SLC39A11: variants seen among roughly 807,000 people sequenced by gnomAD.
SLC39A11 encodes the protein solute carrier family 39 member 11.
SLC39A11 carries 33 observed loss-of-function variants against 36.1 expected under a neutral mutation model. That is an observed-to-expected ratio of 0.91 (90% CI 0.69 to 1.22). The LOEUF is 1.22. SLC39A11 is among the 50% of genes most tolerant of loss of function. The pLI, the probability that SLC39A11 is intolerant of heterozygous loss-of-function variation, is 0.00. For missense variants in SLC39A11, 432 were observed against 430.3 expected, an observed-to-expected ratio of 1.00 and a Z score of -0.03; for synonymous variants, 166 against 170.3, an observed-to-expected ratio of 0.97 and a Z score of 0.20.
intron 5 of SLC39A11, among the ~76,000 whole-genome samples, chr17:72,916,808 G>C (rs1357201426): frequency 2.0e-5 from 3 of 152,088 alleles, no homozygotes; most frequent in Admixed American, 2.0e-4. Flanking sequence ...CTCAATTCAT[G>C]GCAAGCCCAC....
intron 6 of SLC39A11, among the ~76,000 whole-genome samples, chr17:72,770,388 T>C (rs1236250216): frequency 6.6e-6 from 1 of 152,242 alleles, no homozygotes; most frequent in Non-Finnish European, 1.5e-5. Flanking sequence ...GGGAGCCAGA[T>C]AGTGCTGATG....
intron 5 of SLC39A11, among the ~76,000 whole-genome samples, chr17:72,860,913 G>C (rs989338292): frequency 3.7e-4 from 57 of 152,100 alleles, no homozygotes; most frequent in Non-Finnish European, 5.0e-4. Context: ...CTTGCCAAAC[G>C]AGGGTAATAG....
At chr17:72,858,317 T>G (rs1477240575) in intron 5 of SLC39A11, among the ~76,000 whole-genome samples, 1 of 152,214 alleles carries the variant, frequency 6.6e-6, no homozygotes, top group Non-Finnish European at 1.5e-5. Context: ...GGTTTTCTAT[T>G]CTGTTCCATT....
intron 7 of SLC39A11, among the ~76,000 whole-genome samples, chr17:72,654,269 A>AGTGAGGATAGG (rs1348627457): frequency 2.0e-5 from 3 of 152,092 alleles, no homozygotes; most frequent in Non-Finnish European, 4.4e-5. Flanking sequence ...GATCGGAGTT[A>AGTGAGGATAGG]ATGGCCTCAC....
chr17:73,019,562 G>A (rs1598879768), intron 4 of SLC39A11, among the ~76,000 whole-genome samples: 2 of 152,108 alleles, frequency 1.3e-5, no homozygotes, highest in African/African-American at 4.8e-5. Context: ...GGTAGACCAT[G>A]ATAAGTTAAG....
intron 7 of SLC39A11, among the ~76,000 whole-genome samples, chr17:72,718,475 T>G (rs979372024): frequency 6.6e-6 from 1 of 152,182 alleles, no homozygotes; most frequent in African/African-American, 2.4e-5. Flanking sequence ...GGAATTACTA[T>G]AGTCAATGTT....
intron 5 of SLC39A11, among the ~76,000 whole-genome samples, chr17:72,919,685 AG>A (rs138471978): frequency 0.33 from 41,915 of 125,286 alleles, 7,518 homozygotes; most frequent in East Asian, 0.5. Context: ...AAAAAAAAAA[AG>A]AAAAAAAGAA....
chr17:72,874,927 T>C (rs148948774), intron 5 of SLC39A11, among the ~76,000 whole-genome samples: 1 of 152,306 alleles, frequency 6.6e-6, no homozygotes, highest in African/African-American at 2.4e-5. Context: ...TGGAATACAT[T>C]TTGTACCCCA....
chr17:72,990,924 T>G (rs1220504175), intron 4 of SLC39A11, among the ~76,000 whole-genome samples: 1 of 152,252 alleles, frequency 6.6e-6, no homozygotes, highest in Non-Finnish European at 1.5e-5. Flanking sequence ...CAAAGTCTGC[T>G]GATCTACTGT....
intron 6 of SLC39A11, chr17:72,817,761 C>T (rs887801229): frequency 1.3e-5 from 2 of 152,194 alleles, no homozygotes; most frequent in African/African-American, 2.4e-5. Flanking sequence ...ATAGGATAAA[C>T]CCAAACTCTT....
At chr17:72,731,338 T>C (rs982931539) in intron 7 of SLC39A11, among the ~76,000 whole-genome samples, 2 of 152,140 alleles carry the variant, frequency 1.3e-5, no homozygotes, top group Non-Finnish European at 2.9e-5. Context: ...CAGTCCCTGG[T>C]GGATATGGTT....
At chr17:72,696,256 T>C (rs1322230302) in intron 7 of SLC39A11, among the ~76,000 whole-genome samples, 1 of 151,538 alleles carries the variant, frequency 6.6e-6, no homozygotes, top group Non-Finnish European at 1.5e-5. Context: ...AAAGCCTGAG[T>C]CCCCACCTGG....
At position 72,692,474 on chromosome 17, in the gene SLC39A11, G is replaced by A. The variant is rs1021653226; in HGVS notation, c.672-43206C>T. ...CTGGGGAGGCCTCAGAATCATGGCG[G>A]AAGGCAAAAGGCACTTCTTACATGG... On this transcript the variant is annotated intron_variant, in intron 7 of 9. Coordinates refer to ENST00000255559, the MANE Select transcript of SLC39A11 (RefSeq NM_139177.4). Among the ~76,000 whole-genome samples, 24 of 152,178 alleles carry A rather than the reference G, an allele frequency of 1.6e-4. 1 individual carries two copies. Among genetic ancestry groups the A allele is most frequent in the Admixed American group, 4.6e-4 (7 of 15,276 alleles).
At chr17:72,942,950 T>C (rs2085206380) in intron 5 of SLC39A11, among the ~76,000 whole-genome samples, 1 of 152,290 alleles carries the variant, frequency 6.6e-6, no homozygotes, top group African/African-American at 2.4e-5. Context: ...ACGTAAGCAG[T>C]AGTAAAACAT....
At chr17:72,873,556 G>A (rs1446379535) in intron 5 of SLC39A11, among the ~76,000 whole-genome samples, 1 of 152,212 alleles carries the variant, frequency 6.6e-6, no homozygotes, top group Non-Finnish European at 1.5e-5. Flanking sequence ...CACTAAGAAA[G>A]CAGGTTTGCA....
chr17:72,769,490 G>A (rs1237965881), intron 6 of SLC39A11, among the ~76,000 whole-genome samples: 1 of 151,912 alleles, frequency 6.6e-6, no homozygotes, highest in Non-Finnish European at 1.5e-5. Flanking sequence ...AGACAAACCC[G>A]CCTCCCATTC....
intron 4 of SLC39A11, among the ~76,000 whole-genome samples, chr17:72,978,631 T>G (rs1598695492): frequency 6.3e-5 from 9 of 143,786 alleles, no homozygotes; most frequent in African/African-American, 7.9e-5. Flanking sequence ...AAGAAGGGGG[T>G]GGGGAGACTG....
At chr17:73,029,918 T>C (rs889661853) in intron 4 of SLC39A11, among the ~76,000 whole-genome samples, 1 of 152,114 alleles carries the variant, frequency 6.6e-6, no homozygotes, top group African/African-American at 2.4e-5. Context: ...AAATGACACA[T>C]GGTCTTTAAG....
chr17:72,747,986 G>T (rs2075007178), intron 6 of SLC39A11, among the ~76,000 whole-genome samples: 1 of 152,158 alleles, frequency 6.6e-6, no homozygotes. Flanking sequence ...GGGGAAAGAT[G>T]AAAAATAGAA....
Sources: gnomAD v4.1 joint callset for allele counts (sites outside exome capture counted in the v4.1 genomes callset) on GRCh38, gnomAD v4.1.1 for gene constraint, MANE v1.5 for transcripts, NCBI Gene and HGNC (gene_info 2026-07-23, HGNC 2026-07-21) for gene names.